The following MINDY2 variants were observed in gnomAD, a reference collection of about 807,000 sequenced individuals.
MINDY2 encodes the protein MINDY lysine 48 deubiquitinase 2.
Under a neutral mutation model 68.2 loss-of-function variants are expected in MINDY2, and 52 were observed. The ratio of observed to expected loss-of-function variants is 0.76; its 90% CI spans 0.61 to 0.96. The LOEUF (loss-of-function observed/expected upper bound fraction) is 0.96, where lower values mean the gene tolerates loss of function less well. Ranked by LOEUF, MINDY2 falls within the 40% of genes least tolerant of loss-of-function variation. MINDY2 has a pLI of 0.00. For missense variants in MINDY2, 881 were observed against 773.4 expected (o/e 1.14, Z -1.65); for synonymous variants, 372 against 303.0 (o/e 1.23, Z -2.36).
rs558146881 is a variant in MINDY2, at chr15:58,809,883, G to C, written c.964-347G>C. ...CAACCTACACCTACTGGGTTCAAGT[G>C]ATCCTCCCACCTCAGCCTCCCAAGT... On this transcript the variant is annotated intron_variant, in intron 3 of 8. Coordinates refer to ENST00000559228, the MANE Select transcript of MINDY2 (RefSeq NM_001040450.3). 6.6e-5 allele frequency among the ~76,000 whole-genome samples: 10 copies of C among 152,260 alleles called. 1 individual carries two copies. In the South Asian group the frequency reaches 2.1e-3, roughly 32 times the overall value.
At chr15:58,801,449 A>G (rs1440898734) in intron 2 of MINDY2, among the ~76,000 whole-genome samples, 2 of 142,934 alleles carry the variant, frequency 1.4e-5, no homozygotes, top group African/African-American at 5.0e-5. Flanking sequence ...AGAAAAAAGT[A>G]TGTACATACA....
rs2140861856 is a variant in MINDY2, at chr15:58,849,135, A to G, written c.1542+1665A>G. Among the ~76,000 whole-genome samples, 3 of 151,876 alleles carry G rather than the reference A, an allele frequency of 2.0e-5. No individual in the cohort carries two copies. In the Middle Eastern group the frequency reaches 0.01, roughly 517 times the overall value. ...TGAGGTGAGAGAATCACTTGAACCC[A>G]GGGGGCGGAAGTTGCAGTGAGCCAA... On this transcript the variant is annotated intron_variant, in intron 7 of 8. Transcript: ENST00000559228.
rs768599630 is a variant in MINDY2 at position 58,810,334 on chromosome 15, A to T, written c.1068A>T (p.Ile356=). ...VRVFEYTPEC[I]VFDLLDIPLY... is the part of the protein sequence containing the mutation. The stretch of plus-strand genomic sequence containing the variant: ...TGTTTGAATATACACCAGAATGCAT[A>T]GTATTTGATCTTCTTGATATTCCTT... Residue 356 remains isoleucine, a synonymous_variant, in exon 4 of 9, where the codon ATA becomes ATT. Coordinates refer to ENST00000559228, the MANE Select transcript of MINDY2 (RefSeq NM_001040450.3). 1 of 1,613,656 alleles carries T rather than the reference A, an allele frequency of 6.2e-7. No individual in the cohort carries two copies. Among genetic ancestry groups the T allele is most frequent in the South Asian group, 1.1e-5 (1 of 90,898 alleles).
intron 4 of MINDY2, among the ~76,000 whole-genome samples, chr15:58,814,267 A>G (rs1412679398): frequency 6.6e-6 from 1 of 152,124 alleles, no homozygotes; most frequent in Non-Finnish European, 1.5e-5. Flanking sequence ...ACGGCTAATG[A>G]TGCTGAACAT....
intron 5 of MINDY2, among the ~76,000 whole-genome samples, chr15:58,827,431 A>G (rs1042391009): frequency 6.6e-6 from 1 of 152,020 alleles, no homozygotes; most frequent in East Asian, 1.9e-4. Flanking sequence ...CTCTTTCCCC[A>G]TTAAAAAAAA....
intron 4 of MINDY2, among the ~76,000 whole-genome samples, chr15:58,819,422 A>G (rs2030915155): frequency 2.0e-5 from 3 of 152,336 alleles, no homozygotes; most frequent in African/African-American, 4.8e-5. Flanking sequence ...CATTCCAGCA[A>G]GAGTGACACA....
chr15:58,851,647 C>T (rs1216741194), intron 7 of MINDY2, 124 bp from the exon 8 acceptor site: 5 of 757,610 alleles, frequency 6.6e-6, no homozygotes, highest in Admixed American at 3.5e-5. Context: ...TGCTATATTG[C>T]CCAGGCCTGG....
chr15:58,814,091 C>A (rs2030506118), intron 4 of MINDY2, among the ~76,000 whole-genome samples: 1 of 151,790 alleles, frequency 6.6e-6, no homozygotes, highest in African/African-American at 2.4e-5. Flanking sequence ...GCGCCCACCA[C>A]CATGCCCAGT....
chr15:58,797,184 C>T (rs1022452156), intron 2 of MINDY2, among the ~76,000 whole-genome samples: 7 of 152,070 alleles, frequency 4.6e-5, no homozygotes, highest in African/African-American at 1.7e-4. Context: ...TTGAAATGTT[C>T]ATGTACTAAG....
chr15:58,804,153 T>C (rs1344251899), intron 3 of MINDY2, among the ~76,000 whole-genome samples: 1 of 151,652 alleles, frequency 6.6e-6, no homozygotes, highest in Non-Finnish European at 1.5e-5. Context: ...AAAGGAAATC[T>C]GTAGCTAAAG....
chr15:58,776,908 C>T lies in MINDY2; in HGVS notation c.840+4673C>T, dbSNP rs117140028. 3.7e-4 allele frequency among the ~76,000 whole-genome samples: 56 copies of T among 152,034 alleles called. No homozygotes were observed. The East Asian group carries it at 0.011, about 29-fold the overall frequency. ...AAAGAGAGGTAGATGAAAATTGAAG[C>T]CTCATATTTTTCAGTTTGGCAAAGT... On this transcript the variant is annotated intron_variant, in intron 1 of 8. Transcript: ENST00000559228.
chr15:58,776,141 T>C (rs1900756144), intron 1 of MINDY2, among the ~76,000 whole-genome samples: 1 of 152,126 alleles, frequency 6.6e-6, no homozygotes, highest in Non-Finnish European at 1.5e-5. Flanking sequence ...AAAAATCAAA[T>C]TGGGAAATTA....
chr15:58,784,024 T>G (rs1901324323), intron 1 of MINDY2, among the ~76,000 whole-genome samples: 1 of 152,120 alleles, frequency 6.6e-6, no homozygotes, highest in Non-Finnish European at 1.5e-5. Flanking sequence ...ATTCTTGTGC[T>G]TATATTAATA....
At chr15:58,840,920 G>A (rs1387236602) in intron 6 of MINDY2, among the ~76,000 whole-genome samples, 2 of 147,744 alleles carry the variant, frequency 1.4e-5, no homozygotes, top group East Asian at 2.0e-4. Context: ...TGCCTGACTC[G>A]GCCTCCCAAA....
intron 6 of MINDY2, among the ~76,000 whole-genome samples, chr15:58,839,741 A>G (rs1010554519): frequency 2.0e-5 from 3 of 152,006 alleles, no homozygotes; most frequent in Non-Finnish European, 4.4e-5. Flanking sequence ...TGTTTCTAAA[A>G]CCTGCACCTG....
chr15:58,829,312 G>A (rs1172624398), intron 5 of MINDY2, among the ~76,000 whole-genome samples: 1 of 152,162 alleles, frequency 6.6e-6, no homozygotes, highest in East Asian at 1.9e-4. Context: ...TTATGGTTTT[G>A]GGAGAGATAT....
chr15:58,854,654 C>G lies in MINDY2; in HGVS notation c.*44C>G. On this transcript the variant is annotated 3_prime_UTR_variant, in exon 9 of 9. Transcript: ENST00000559228. The stretch of plus-strand genomic sequence containing the variant: ...GGAACCACCTATATGTCTTGAGAAA[C>G]AAAACCACAGGAGGAAAGGAAGAAA... 6.4e-7 allele frequency: 1 copy of G among 1,565,520 alleles called. No homozygotes were observed. Among genetic ancestry groups the G allele is most frequent in the South Asian group, 1.2e-5 (1 of 85,246 alleles).
At chr15:58,803,195 G>A (rs1437963507) in intron 3 of MINDY2, among the ~76,000 whole-genome samples, 1 of 152,112 alleles carries the variant, frequency 6.6e-6, no homozygotes, top group Non-Finnish European at 1.5e-5. Context: ...GGCTGGGCGT[G>A]GTGGCTCAAG....
At chr15:58,788,524 T>A (rs1380928884) in intron 2 of MINDY2, among the ~76,000 whole-genome samples, 1 of 152,220 alleles carries the variant, frequency 6.6e-6, no homozygotes, top group Non-Finnish European at 1.5e-5. Context: ...CATTCTTCTC[T>A]AAGCTTCTTA....
Sources: gnomAD v4.1 joint callset for allele counts (sites outside exome capture counted in the v4.1 genomes callset) on GRCh38, gnomAD v4.1.1 for gene constraint, MANE v1.5 for transcripts, NCBI Gene and HGNC (gene_info 2026-07-23, HGNC 2026-07-21) for gene names.